Variants in COL13A1 observed in about 807,000 individuals in gnomAD.
COL13A1 encodes collagen type XIII alpha 1 chain, also known as collagen alpha-1(XIII) chain.
A neutral mutation model predicts 130.9 loss-of-function variants in COL13A1; 89 were observed. That is an observed-to-expected ratio of 0.68 (90% CI 0.57 to 0.81). The LOEUF is 0.81. COL13A1 is among the 30% of genes least tolerant of loss of function. The pLI is 0.00. For synonymous variants in COL13A1, 402 were observed against 341.6 expected (o/e 1.18, Z -1.95); for missense variants, 879 against 934.6 (o/e 0.94, Z 0.78).
chr10:69,822,000 G>T (rs2132606115), intron 1 of COL13A1, among the ~76,000 whole-genome samples: 2 of 152,310 alleles, frequency 1.3e-5, no homozygotes, highest in Middle Eastern at 3.4e-3. Flanking sequence ...CTGCCCAGGG[G>T]TCCATCAGGA....
intron 7 of COL13A1, among the ~76,000 whole-genome samples, chr10:69,882,119 T>C (rs2060201504): frequency 6.6e-6 from 1 of 152,122 alleles, no homozygotes; most frequent in South Asian, 2.1e-4. Context: ...GATGGGAAGG[T>C]CATAGAAACA....
intron 1 of COL13A1, among the ~76,000 whole-genome samples, chr10:69,806,147 C>T (rs1841501584): frequency 6.6e-6 from 1 of 152,258 alleles, no homozygotes; most frequent in Non-Finnish European, 1.5e-5. Flanking sequence ...CAGATGAGTG[C>T]TCAGGGAGGG....
rs577513608 is a variant in COL13A1, at chr10:69,951,084, A to C, written c.2059-1798A>C. 2.6e-5 allele frequency among the ~76,000 whole-genome samples: 4 copies of C among 152,118 alleles called. No individual in the cohort carries two copies. The East Asian group carries it at 7.8e-4, about 30-fold the overall frequency. ...GGCTGGTCTCGAACTCCTGACCTCC[A>C]GTGATCCGCCCGCCTCCGCCTCCCA... is the stretch of plus-strand genomic sequence containing the variant. On this transcript the variant is annotated intron_variant, in intron 38 of 40. Coordinates refer to ENST00000645393, the MANE Select transcript of COL13A1 (RefSeq NM_001368882.1).
intron 2 of COL13A1, among the ~76,000 whole-genome samples, chr10:69,858,938 C>T (rs571883181): frequency 7.9e-5 from 12 of 152,246 alleles, no homozygotes; most frequent in African/African-American, 2.9e-4. Flanking sequence ...CACAAGAGCC[C>T]CACCTGCAAA....
chr10:69,892,884 C>A (rs1311123186), intron 10 of COL13A1, among the ~76,000 whole-genome samples: 1 of 152,174 alleles, frequency 6.6e-6, no homozygotes, highest in East Asian at 1.9e-4. Context: ...GTCCCCTGGG[C>A]CACCGTTTGG....
At chr10:69,848,132 C>T (rs1853661837) in intron 2 of COL13A1, among the ~76,000 whole-genome samples, 1 of 152,210 alleles carries the variant, frequency 6.6e-6, no homozygotes, top group Non-Finnish European at 1.5e-5. Context: ...CCAGCTGAGA[C>T]TGAGGGGCTC....
chr10:69,957,036 G>C lies in COL13A1; in HGVS notation c.2178G>C (p.Trp726Cys), dbSNP rs777761329. The change falls in exon 40 of 41, where the codon TGG (tryptophan) becomes TGC (cysteine). Residue 726 changes from tryptophan (W) to cysteine (C), a missense_variant. By Grantham distance (215) the Trp-to-Cys change is radical. Around this residue, in one of 3 missense-constraint regions of COL13A1, gnomAD observed 68 missense variants for 65.8 expected, o/e 1.03. Transcript: ENST00000645393. Reference sequence around the variant, plus strand: ...ATGGCTTACCAGTCCAAGGCTGCTGGAACAAGGTAAGGCTTCCCATTGGTG... The same window carrying C: ...ATGGCTTACCAGTCCAAGGCTGCTGCAACAAGGTAAGGCTTCCCATTGGTG... ...GEDGLPVQGC[W>C]NK The C allele has an allele frequency of 1.2e-6, 2 of 1,613,580 alleles. No homozygotes were observed.
chr10:69,931,381 G>A (rs942469093), intron 30 of COL13A1: 9 of 343,616 alleles, frequency 2.6e-5, no homozygotes, highest in African/African-American at 1.1e-4. Flanking sequence ...CAAGCCTGCC[G>A]ACCCAGCCTG....
intron 17 of COL13A1, among the ~76,000 whole-genome samples, chr10:69,909,038 G>C (rs972962757): frequency 2.0e-5 from 3 of 152,138 alleles, no homozygotes; most frequent in African/African-American, 7.2e-5. Context: ...CTCTGTATCA[G>C]CTGGGACACT....
chr10:69,902,065 C>A (rs1225485644), intron 14 of COL13A1, among the ~76,000 whole-genome samples: 1 of 152,180 alleles, frequency 6.6e-6, no homozygotes, highest in African/African-American at 2.4e-5. Context: ...ACAAAAGCAG[C>A]CAGAGAACTC....
chr10:69,887,115 G>A (rs11813044), intron 7 of COL13A1, among the ~76,000 whole-genome samples: 16,672 of 152,190 alleles, frequency 0.11, 955 homozygotes, highest in Middle Eastern at 0.25. Flanking sequence ...CATGTGCTGC[G>A]GGCTGAGTCT....
chr10:69,870,908 G>A (rs976125979), intron 3 of COL13A1, among the ~76,000 whole-genome samples: 3 of 152,060 alleles, frequency 2.0e-5, no homozygotes, highest in African/African-American at 7.2e-5. Context: ...TGATGCTTGG[G>A]CGAAGCACAG....
intron 14 of COL13A1, among the ~76,000 whole-genome samples, chr10:69,901,869 A>G (rs1466717124): frequency 6.6e-6 from 1 of 152,188 alleles, no homozygotes; most frequent in Non-Finnish European, 1.5e-5. Context: ...AGGCGGGCTC[A>G]GAGCAGCTGG....
At chr10:69,819,171 G>T (rs569305381) in intron 1 of COL13A1, among the ~76,000 whole-genome samples, 1 of 152,330 alleles carries the variant, frequency 6.6e-6, no homozygotes, top group South Asian at 2.1e-4. Flanking sequence ...GCCCTCTGGG[G>T]TTTACTTGTT....
chr10:69,819,363 T>A (rs1845443211), intron 1 of COL13A1, among the ~76,000 whole-genome samples: 3 of 152,146 alleles, frequency 2.0e-5, no homozygotes, highest in African/African-American at 7.2e-5. Flanking sequence ...AAAGTGGAGG[T>A]CTATGAGTAG....
intron 19 of COL13A1, 145 bp downstream of exon 19, chr10:69,918,462 A>G (rs1272864797): frequency 7.7e-6 from 6 of 775,890 alleles, no homozygotes; most frequent in Non-Finnish European, 1.2e-5. Context: ...TCAAAGTAAC[A>G]TTTGTGCCAG....
intron 2 of COL13A1, among the ~76,000 whole-genome samples, chr10:69,843,766 G>C (rs1006100435): frequency 1.3e-5 from 2 of 152,214 alleles, no homozygotes; most frequent in Non-Finnish European, 2.9e-5. Context: ...TGGTCATGGG[G>C]TTGGTGAAGT....
chr10:69,902,518 C>T (rs1471798611), intron 14 of COL13A1, among the ~76,000 whole-genome samples: 1 of 152,172 alleles, frequency 6.6e-6, no homozygotes, highest in African/African-American at 2.4e-5. Flanking sequence ...CTTTGGAAGC[C>T]CCACCTTCAG....
intron 37 of COL13A1, 62 bp downstream of exon 37, chr10:69,945,786 C>T (rs10999037): frequency 0.027 from 42,554 of 1,563,390 alleles, 875 homozygotes; most frequent in South Asian, 0.091. Context: ...GAAATACCCA[C>T]GGCCGGCCGG....
Sources: gnomAD v4.1 joint callset for allele counts (sites outside exome capture counted in the v4.1 genomes callset) on GRCh38, gnomAD v4.1.1 for gene constraint, gnomAD v4.1.1 regional missense constraint, MANE v1.5 for transcripts, NCBI Gene and HGNC (gene_info 2026-07-23, HGNC 2026-07-21) for gene names.